The following CNST variants were observed in gnomAD, a reference collection of about 807,000 sequenced individuals.
The protein encoded by CNST is consortin.
CNST carries 39 observed loss-of-function variants against 72.4 expected under a neutral mutation model. The ratio of observed to expected loss-of-function variants is 0.54; its 90% confidence interval spans 0.42 to 0.70. The LOEUF (loss-of-function observed/expected upper bound fraction) is 0.70. CNST is among the 30% of genes least tolerant of loss of function. The probability of loss-of-function intolerance (pLI) is 0.00; values close to 1 mark genes in which losing one functional copy is unlikely to be tolerated. For missense variants in CNST, 871 were observed against 868.5 expected (o/e 1.00, Z -0.04); for synonymous variants, 332 against 320.1 (o/e 1.04, Z -0.40).
chr1:246,619,155 A>G (rs1027181930), intron 2 of CNST, among the ~76,000 whole-genome samples: 29 of 53,036 alleles, frequency 5.5e-4, no homozygotes, highest in African/African-American at 2.5e-3. Flanking sequence ...GAGAAAAGGG[A>G]AAAAAAAAAA....
In CNST at chr1:246,586,111, ATG is replaced by A. The variant is rs113258007; in HGVS notation, c.-51-5371_-51-5370del. 2.8e-3 allele frequency among the ~76,000 whole-genome samples: 287 copies of A among 102,684 alleles called. 1 individual carries two copies. The highest frequency in any genetic ancestry group is 8.6e-3 in the African/African-American group (216 of 25,026). The allele number at this position is 102,684 out of a possible 152,430, so 67.4% of individuals were successfully genotyped here. ...GAGGGGGAGATATATATATATATATATGTGTGTGTGTGTGTGTGTGTGTGTGT... is the reference window on the plus strand; with the variant it reads ...GAGGGGGAGATATATATATATATATATGTGTGTGTGTGTGTGTGTGTGTGT... On this transcript the variant is annotated intron_variant, in intron 1 of 10. Transcript: ENST00000366513.
intron 3 of CNST, among the ~76,000 whole-genome samples, chr1:246,629,626 A>T (rs1490920674): frequency 6.6e-6 from 1 of 152,254 alleles, no homozygotes; most frequent in Non-Finnish European, 1.5e-5. Flanking sequence ...GAAGAGCCAG[A>T]CATTTTATTT....
Position 246,647,251 on chromosome 1 carries a change from C to T in CNST, c.1050C>T (p.Ser350=). 2 of 1,614,174 alleles carry T rather than the reference C, an allele frequency of 1.2e-6. No individual in the cohort carries two copies. The highest frequency in any genetic ancestry group is 1.3e-5 in the African/African-American group (1 of 75,070). The change falls in exon 9 of 11, where the codon AGC becomes AGT. Residue 350 remains serine (S), a synonymous_variant. Transcript: ENST00000366513. ...TGGACGTGCAAACAGATTCCCCAAG[C>T]CTTTCGGTAACTGCAGGAAAGGACC... ...HQMDVQTDSP[S]LSVTAGKDHM... is the part of the protein sequence containing the mutation.
intron 2 of CNST, among the ~76,000 whole-genome samples, chr1:246,605,445 C>T (rs555504539): frequency 5.9e-5 from 9 of 152,336 alleles, no homozygotes; most frequent in African/African-American, 2.2e-4. Flanking sequence ...CCCGGGAGCG[C>T]GCCAACAGAC....
intron 2 of CNST, among the ~76,000 whole-genome samples, chr1:246,612,379 T>C (rs1663374910): frequency 6.6e-6 from 1 of 151,968 alleles, no homozygotes; most frequent in Non-Finnish European, 1.5e-5. Context: ...TTTTTTGTAC[T>C]TTTAGTAGAG....
chr1:246,594,701 G>A (rs756124522), intron 2 of CNST, among the ~76,000 whole-genome samples: 3 of 152,138 alleles, frequency 2.0e-5, no homozygotes, highest in South Asian at 2.1e-4. Flanking sequence ...CCTGGGAGGC[G>A]GAGGTTGCAG....
chr1:246,616,088 G>A lies in CNST; in HGVS notation c.380-5341G>A, dbSNP rs116010938. ...TCACTTGGCTTTCACGGATGACAAC[G>A]ATAAATAGAACTTTTTGTTCTTGTC... On this transcript the variant is annotated intron_variant, in intron 2 of 10. Transcript: ENST00000366513. Among the ~76,000 whole-genome samples the A allele has an allele frequency of 2.6e-3, 402 of 152,264 alleles. 2 individuals carry two copies. Among genetic ancestry groups the A allele is most frequent in the Non-Finnish European group, 4.8e-3 (327 of 68,018 alleles).
At chr1:246,650,591 T>C (rs1322265399) in intron 9 of CNST, among the ~76,000 whole-genome samples, 1 of 152,118 alleles carries the variant, frequency 6.6e-6, no homozygotes, top group African/African-American at 2.4e-5. Flanking sequence ...ATCCAGGCAA[T>C]TGTGGGTTTG....
chr1:246,657,645 A>G (rs1245490475), intron 9 of CNST, among the ~76,000 whole-genome samples: 2 of 152,200 alleles, frequency 1.3e-5, no homozygotes, highest in East Asian at 3.9e-4. Context: ...AGGTGGGACC[A>G]CCTGACAAGG....
At chr1:246,624,147 G>A (rs971451738) in intron 3 of CNST, among the ~76,000 whole-genome samples, 2 of 152,186 alleles carry the variant, frequency 1.3e-5, no homozygotes, top group African/African-American at 4.8e-5. Context: ...TCTCCTTTAC[G>A]AACTTGAAGA....
rs186219862 is a variant in CNST at position 246,659,464 on chromosome 1, G to A, written c.1837-735G>A. ...AAAAAAATTAGCCGAGCATGGTGGC[G>A]GGTGCCTGTAGTCCCAGCTACCCCG... On this transcript the variant is annotated intron_variant, in intron 9 of 10. Transcript: ENST00000366513. Among the ~76,000 whole-genome samples the A allele has an allele frequency of 6.6e-3, 1,000 of 152,246 alleles. 9 individuals carry two copies. The highest frequency in any genetic ancestry group is 0.022 in the African/African-American group (934 of 41,544).
chr1:246,594,291 A>C (rs966083779), intron 2 of CNST, among the ~76,000 whole-genome samples: 13 of 152,186 alleles, frequency 8.5e-5, no homozygotes, highest in Non-Finnish European at 1.9e-4. Flanking sequence ...CTGGGACTAC[A>C]GGTATACACC....
intron 2 of CNST, among the ~76,000 whole-genome samples, chr1:246,595,902 ACTAATAGTCATGTCATTC>A (rs1478434413): frequency 6.6e-6 from 1 of 152,204 alleles, no homozygotes; most frequent in African/African-American, 2.4e-5. Flanking sequence ...GACTCTTGTC[ACTAATAGTCATGTCATTC>A]CTAATAGTCA....
chr1:246,581,823 A>G (rs1487912333), intron 1 of CNST, among the ~76,000 whole-genome samples: 1 of 152,192 alleles, frequency 6.6e-6, no homozygotes, highest in Non-Finnish European at 1.5e-5. Context: ...TTTTTTATTC[A>G]TATGTCTGAG....
At chr1:246,644,220 C>G (rs963994986) in intron 8 of CNST, among the ~76,000 whole-genome samples, 4 of 152,004 alleles carry the variant, frequency 2.6e-5, no homozygotes, top group Admixed American at 2.0e-4. Context: ...AACCCCGTCT[C>G]TACTAAAAAT....
intron 2 of CNST, among the ~76,000 whole-genome samples, chr1:246,593,720 A>G (rs564571305): frequency 3.9e-5 from 6 of 152,270 alleles, no homozygotes; most frequent in Admixed American, 6.5e-5. Context: ...TTCTATAACT[A>G]TCATTCAAGG....
chr1:246,586,106 T>A (rs1572130439), intron 1 of CNST, among the ~76,000 whole-genome samples: 1 of 45,824 alleles, frequency 2.2e-5, no homozygotes, highest in East Asian at 9.4e-4. Context: ...TATATATATA[T>A]ATATATGTGT....
At chr1:246,580,478 T>C (rs184022523) in intron 1 of CNST, among the ~76,000 whole-genome samples, 7 of 152,296 alleles carry the variant, frequency 4.6e-5, no homozygotes, top group Admixed American at 2.0e-4. Context: ...AGAACAGTTA[T>C]GAAATTGCAC....
chr1:246,624,463 C>A (rs1664294097), intron 3 of CNST, among the ~76,000 whole-genome samples: 1 of 152,172 alleles, frequency 6.6e-6, no homozygotes, highest in African/African-American at 2.4e-5. Flanking sequence ...ACAGTAAAAG[C>A]CAAAGAAATA....
Sources: gnomAD v4.1 joint callset for allele counts (sites outside exome capture counted in the v4.1 genomes callset) on GRCh38, gnomAD v4.1.1 for gene constraint, MANE v1.5 for transcripts, NCBI Gene and HGNC (gene_info 2026-07-23, HGNC 2026-07-21) for gene names.